AACS: variants seen among roughly 807,000 people sequenced by gnomAD.
AACS encodes acetoacetate-CoA ligase.
AACS carries 69 observed loss-of-function variants against 83.1 expected under a neutral mutation model. The observed-to-expected ratio is 0.83, with a 90% CI of 0.68 to 1.01. The LOEUF (loss-of-function observed/expected upper bound fraction) is 1.01, where lower values mean the gene tolerates loss of function less well. AACS is among the 50% of genes least tolerant of loss of function. AACS has a pLI of 0.00. For missense variants in AACS, 866 were observed against 882.2 expected (o/e 0.98, Z 0.23); for synonymous variants, 333 against 343.4 (o/e 0.97, Z 0.33).
chr12:125,142,435 AC>A lies in AACS; in HGVS notation c.*208del. On this transcript the variant is annotated 3_prime_UTR_variant, in exon 18 of 18. Coordinates refer to ENST00000316519, the MANE Select transcript of AACS (RefSeq NM_023928.5). ...ACGAGTGGGATTCTGGCCTTCAGAG[AC>A]CAGGAGGGAGTGTCTGGGCCGCAGG... 1 of 669,564 alleles carries A rather than the reference AC, an allele frequency of 1.5e-6. No homozygotes were observed. Among genetic ancestry groups the A allele is most frequent in the Non-Finnish European group, 2.4e-6 (1 of 408,894 alleles). 41.5% of individuals were successfully genotyped at this position (669,564 alleles called of 1,614,324 possible).
chr12:125,138,979 C>CA (rs1321315917), intron 17 of AACS: 2 of 152,086 alleles, frequency 1.3e-5, no homozygotes, highest in Admixed American at 1.3e-4. Context: ...CTTGCTGAGG[C>CA]AGGAGAGCCT....
In AACS at chr12:125,110,189, T is replaced by TTG. The variant is rs59856503; in HGVS notation, c.915+2981_915+2982dup. Among the ~76,000 whole-genome samples, 158 of 118,978 alleles carry TTG rather than the reference T, an allele frequency of 1.3e-3. 1 individual carries two copies. Among genetic ancestry groups the TTG allele is most frequent in the East Asian group, 1.7e-3 (7 of 4,136 alleles). The allele number at this position is 118,978 out of a possible 152,430, so 78.1% of individuals were successfully genotyped here. A position where few individuals can be genotyped will look rare whatever the true frequency, so the allele number is the denominator to read the frequency against. ...CGCCCGCGACCACGGCCGGCTAAGTTTGTGTGTGTGTGTGTGTGTGTGTGT... is the reference window on the plus strand; with the variant it reads ...CGCCCGCGACCACGGCCGGCTAAGTTTGTGTGTGTGTGTGTGTGTGTGTGTGT... On this transcript the variant is annotated intron_variant, in intron 8 of 17. Coordinates refer to ENST00000316519, the MANE Select transcript of AACS (RefSeq NM_023928.5).
intron 12 of AACS, chr12:125,125,780 A>C (rs569970255): frequency 1.3e-5 from 2 of 151,196 alleles, no homozygotes; most frequent in Non-Finnish European, 2.9e-5. Flanking sequence ...TTAGAAGTGC[A>C]TGAAATACAC....
At chr12:125,128,859 G>A (rs1235299676) in intron 13 of AACS, 2 of 154,056 alleles carry the variant, frequency 1.3e-5, no homozygotes, top group Admixed American at 1.3e-4. Flanking sequence ...CAATAGAAAT[G>A]TCCATCTTTG....
intron 1 of AACS, among the ~76,000 whole-genome samples, 165 bp downstream of exon 1, chr12:125,065,882 C>T (rs1485805380): frequency 6.6e-6 from 1 of 152,210 alleles, no homozygotes; most frequent in East Asian, 1.9e-4. Context: ...TGGGGAACAT[C>T]ACCCCTCCAC....
chr12:125,107,024 G>C (rs903311147), intron 7 of AACS, 97 bp from the exon 8 acceptor site: 6 of 1,544,746 alleles, frequency 3.9e-6, no homozygotes, highest in South Asian at 2.4e-5. Context: ...GGCTTTTCTG[G>C]GGGTAGAAAC....
intron 16 of AACS, 129 bp downstream of exon 16, chr12:125,134,981 T>G: frequency 2.8e-6 from 3 of 1,083,138 alleles, no homozygotes; most frequent in Non-Finnish European, 4.1e-6. Context: ...TGGACATTTG[T>G]GAGCCTGACC....
In AACS at chr12:125,065,685, C is replaced by T; in HGVS notation, c.101C>T (p.Ala34Val). ...KKNTQMDRFR[A>V]AVGAACGLAL... Reference sequence around the variant, plus strand: ...AACACGCAGATGGACCGCTTCCGGGCGGCTGTGGGCGCCGCCTGCGGCCTG... The same window carrying T: ...AACACGCAGATGGACCGCTTCCGGGTGGCTGTGGGCGCCGCCTGCGGCCTG... The change falls in exon 1 of 18, where the codon GCG becomes GTG. Residue 34 changes from alanine (A) to valine (V), a missense_variant. Ala to Val is a moderately conservative substitution (Grantham distance 64). Coordinates refer to ENST00000316519, the MANE Select transcript of AACS (RefSeq NM_023928.5). 6.5e-7 allele frequency: 1 copy of T among 1,542,830 alleles called. No individual in the cohort carries two copies. Among genetic ancestry groups the T allele is most frequent in the Non-Finnish European group, 8.7e-7 (1 of 1,143,580 alleles).
chr12:125,096,507 T>C (rs898753996), intron 5 of AACS, among the ~76,000 whole-genome samples: 2 of 152,078 alleles, frequency 1.3e-5, no homozygotes, highest in Non-Finnish European at 2.9e-5. Flanking sequence ...GTGAGGGAGC[T>C]TGGGTGTCAG....
chr12:125,070,835 G>A (rs974480438), intron 1 of AACS, among the ~76,000 whole-genome samples: 5 of 152,212 alleles, frequency 3.3e-5, no homozygotes, highest in African/African-American at 1.2e-4. Flanking sequence ...GCTGTAGTCT[G>A]CCGTCTGGTT....
At chr12:125,093,785 G>T (rs1956542884) in intron 5 of AACS, among the ~76,000 whole-genome samples, 1 of 152,226 alleles carries the variant, frequency 6.6e-6, no homozygotes, top group South Asian at 2.1e-4. Context: ...AGTGTCCGAG[G>T]TATAGACTCC....
chr12:125,108,671 A>AT (rs200254406), intron 8 of AACS, among the ~76,000 whole-genome samples: 15 of 148,258 alleles, frequency 1.0e-4, no homozygotes, highest in African/African-American at 3.4e-4. Context: ...ATTTTATTTT[A>AT]TTTTATTTTT....
chr12:125,081,876 C>T (rs531009500), intron 3 of AACS, among the ~76,000 whole-genome samples: 16 of 150,710 alleles, frequency 1.1e-4, no homozygotes, highest in South Asian at 2.1e-4. Context: ...AAAAAAAAAA[C>T]GAGTTTTTTT....
rs554878047 is a variant in AACS at position 125,116,716 on chromosome 12, C to T, written c.997-1925C>T. 4.6e-5 allele frequency among the ~76,000 whole-genome samples: 7 copies of T among 152,194 alleles called. No individual in the cohort carries two copies. In the East Asian group the frequency reaches 5.8e-4, roughly 13 times the overall value. The stretch of plus-strand genomic sequence containing the variant: ...TCCTGACCTCATGATCCGCCTGCCT[C>T]GGCCTCCCAAAGTGCTGGGATTACA... On this transcript the variant is annotated intron_variant, in intron 9 of 17. Transcript: ENST00000316519.
chr12:125,113,246 T>C lies in AACS; in HGVS notation c.916-1231T>C, dbSNP rs1956988896. Among the ~76,000 whole-genome samples, 1 of 152,254 alleles carries C rather than the reference T, an allele frequency of 6.6e-6. No homozygotes were observed. Among genetic ancestry groups the C allele is most frequent in the Non-Finnish European group, 1.5e-5 (1 of 68,040 alleles). On this transcript the variant is annotated intron_variant, in intron 8 of 17. Transcript: ENST00000316519. The surrounding 1 kb of genome is among the most constrained non-coding windows in gnomAD (Gnocchi z 4.8). Reference sequence around the variant, plus strand: ...TTGGAAGCTTTTCCCTTGGGTATAATGAGGGCCTTCATGGCTGGGTTTTAA... The same window carrying C: ...TTGGAAGCTTTTCCCTTGGGTATAACGAGGGCCTTCATGGCTGGGTTTTAA...
chr12:125,073,824 T>A, intron 1 of AACS, 52 bp from the exon 2 acceptor site: 1 of 1,476,002 alleles, frequency 6.8e-7, no homozygotes, highest in Non-Finnish European at 9.4e-7. Flanking sequence ...ATCTTATTAA[T>A]GGATTGCCAA....
At chr12:125,138,113 T>G (rs957875645) in intron 17 of AACS, 2 of 152,486 alleles carry the variant, frequency 1.3e-5, no homozygotes, top group Admixed American at 1.3e-4. Context: ...TGATCATCCC[T>G]GGAAGACTGA....
At chr12:125,096,049 C>T (rs1486899162) in intron 5 of AACS, among the ~76,000 whole-genome samples, 1 of 152,220 alleles carries the variant, frequency 6.6e-6, no homozygotes, top group Admixed American at 6.5e-5. Context: ...ACTGCAAGCT[C>T]CACCTCCTGG....
rs1021785369 is a variant in AACS at position 125,094,160 on chromosome 12, G to A, written c.570+2637G>A. Among the ~76,000 whole-genome samples the A allele has an allele frequency of 3.3e-5, 5 of 152,162 alleles. No homozygotes were observed. The South Asian group carries it at 6.2e-4, about 19-fold the overall frequency. ...AACTGAGCCAAGGCTGATGGGTTCT[G>A]GGCTCGTGGACAGTTCCTGCATCGG... On this transcript the variant is annotated intron_variant, in intron 5 of 17. Transcript: ENST00000316519. The surrounding 1 kb of genome is among the most constrained non-coding windows in gnomAD (Gnocchi z 4.1).
Sources: allele counts gnomAD v4.1 joint callset (sites outside exome capture counted in the v4.1 genomes callset), GRCh38; gene constraint gnomAD v4.1.1; non-coding constraint Gnocchi (gnomAD v3.1); transcripts MANE v1.5; gene names NCBI Gene and HGNC (gene_info 2026-07-23, HGNC 2026-07-21).